The following GRHL1 variants were observed in gnomAD, a reference collection of about 807,000 sequenced individuals.
The protein encoded by GRHL1 is grainyhead-like protein 1 homolog.
GRHL1 carries 38 observed loss-of-function variants against 75.7 expected under a neutral mutation model. The ratio of observed to expected loss-of-function variants is 0.50; its 90% CI spans 0.39 to 0.66. GRHL1 has a LOEUF of 0.66. GRHL1 is among the 30% of genes least tolerant of loss of function. GRHL1 has a pLI of 0.00. For missense variants in GRHL1, 589 were observed against 767.5 expected, an observed-to-expected ratio of 0.77 and a Z score of 2.75; for synonymous variants, 266 against 279.4, an observed-to-expected ratio of 0.95 and a Z score of 0.48.
chr2:9,984,005 T>A (rs1456840641), intron 8 of GRHL1, among the ~76,000 whole-genome samples: 1 of 151,894 alleles, frequency 6.6e-6, no homozygotes. Flanking sequence ...AAATACAAAA[T>A]TAGCCAGGTG....
intron 15 of GRHL1, among the ~76,000 whole-genome samples, chr2:9,999,460 T>G (rs775607203): frequency 6.6e-6 from 1 of 152,212 alleles, no homozygotes; most frequent in Admixed American, 6.5e-5. Flanking sequence ...AGCCGGGCAC[T>G]GGGTTGGGCA....
Position 9,961,125 on chromosome 2 carries a change from T to C in GRHL1, c.358T>C (p.Phe120Leu). ...AGTGCAAGTACTGAAAAATGTGCCA[T>C]TTAACATTGTCCTTCCCCATGGCAA... The part of the protein sequence containing the change: ...NRVQVLKNVP[F>L]NIVLPHGNQL... The change falls in exon 4 of 16, where the codon TTT becomes CTT. Residue 120 changes from phenylalanine to leucine, a missense_variant. Physicochemically the swap from Phe to Leu is conservative, Grantham distance 22 (BLOSUM62 0). Around this residue, in one of 5 missense-constraint regions of GRHL1, gnomAD observed 362 missense variants for 461.8 expected, o/e 0.78. Transcript: ENST00000324907. 6.2e-7 allele frequency: 1 copy of C among 1,600,642 alleles called. No homozygotes were observed. Among genetic ancestry groups the C allele is most frequent in the Non-Finnish European group, 8.5e-7 (1 of 1,173,076 alleles).
chr2:9,997,913 GC>G, intron 14 of GRHL1, among the ~76,000 whole-genome samples: 1 of 152,208 alleles, frequency 6.6e-6, no homozygotes, highest in South Asian at 2.1e-4. Context: ...GAATTACTGG[GC>G]CAGCATAACT....
Position 9,990,785 on chromosome 2 carries a change from TA to T in GRHL1, c.1321+40del. On this transcript the variant is annotated intron_variant, in intron 10 of 15. Transcript: ENST00000324907. This position sits in a 1 kb window ranked among gnomAD's most constrained non-coding sequence, Gnocchi z 4.2. ...ACCCCAGCTCCCAGGTGAATGCCTG[TA>T]AGTAGAAATGTTCCCGGCAAGCTTC... The T allele has an allele frequency of 6.5e-7, 1 of 1,546,162 alleles. No individual in the cohort carries two copies. Among genetic ancestry groups the T allele is most frequent in the Non-Finnish European group, 8.9e-7 (1 of 1,126,702 alleles).
At chr2:9,995,014 C>T (rs1203410017) in intron 12 of GRHL1, among the ~76,000 whole-genome samples, 1 of 152,164 alleles carries the variant, frequency 6.6e-6, no homozygotes, top group African/African-American at 2.4e-5. Context: ...TGGGTACCAA[C>T]ACACTTTGGG....
chr2:9,998,613 TATATATGTAC>T (rs1669042768), intron 14 of GRHL1, among the ~76,000 whole-genome samples: 2 of 62,662 alleles, frequency 3.2e-5, no homozygotes, highest in Non-Finnish European at 5.4e-5. Flanking sequence ...TATATATACA[TATATATGTAC>T]ACATATACAT....
intron 3 of GRHL1, chr2:9,959,068 G>T (rs1486304375): frequency 2.0e-6 from 1 of 490,162 alleles, no homozygotes; most frequent in Non-Finnish European, 3.4e-6. Context: ...CCTTTTCTAG[G>T]ATGAAAGCAC....
intron 6 of GRHL1, 63 bp from the exon 7 acceptor site, chr2:9,964,172 T>C: frequency 7.6e-7 from 1 of 1,324,032 alleles, no homozygotes. Context: ...TAGTACTAAA[T>C]ACGTTTTCCA....
At chr2:9,969,226 G>A (rs765468676) in intron 8 of GRHL1, among the ~76,000 whole-genome samples, 3 of 152,368 alleles carry the variant, frequency 2.0e-5, no homozygotes, top group Non-Finnish European at 2.9e-5. Flanking sequence ...GGAAAAAGAA[G>A]TTAGGGAGAG....
At chr2:9,998,560 G>A (rs1463778149) in intron 14 of GRHL1, among the ~76,000 whole-genome samples, 3 of 27,812 alleles carry the variant, frequency 1.1e-4, no homozygotes, top group South Asian at 2.8e-3. Flanking sequence ...ATATATGTGT[G>A]TACATGTATA....
At chr2:9,981,302 C>T (rs1174601056) in intron 8 of GRHL1, among the ~76,000 whole-genome samples, 4 of 152,196 alleles carry the variant, frequency 2.6e-5, no homozygotes, top group Admixed American at 6.5e-5. Context: ...TTTCCACAGG[C>T]GAGTGACACA....
intron 3 of GRHL1, chr2:9,960,769 A>C: frequency 2.9e-6 from 1 of 339,522 alleles, no homozygotes; most frequent in Non-Finnish European, 5.4e-6. Flanking sequence ...AAAACACAGT[A>C]ATTGTTTTTA....
chr2:9,956,922 T>G (rs1667052648), intron 2 of GRHL1, among the ~76,000 whole-genome samples: 2 of 152,160 alleles, frequency 1.3e-5, no homozygotes, highest in Admixed American at 6.5e-5. Flanking sequence ...TGTCTGTCCA[T>G]GAAGGGTGAC....
rs933710665 is a variant in GRHL1 at position 9,999,914 on chromosome 2, T to G, written c.1743-679T>G. The stretch of plus-strand genomic sequence containing the variant: ...TAGTAGTTCATTTAAACTTTGAGGC[T>G]CACTTGCTGGAGTGTGTAATTTGTC... On this transcript the variant is annotated intron_variant, in intron 15 of 15. Transcript: ENST00000324907. 4.6e-5 allele frequency among the ~76,000 whole-genome samples: 7 copies of G among 152,380 alleles called. No homozygotes were observed. The South Asian group carries it at 1.2e-3, about 27-fold the overall frequency.
chr2:9,995,838 G>A, intron 12 of GRHL1, 41 bp from the exon 13 acceptor site: 1 of 1,135,316 alleles, frequency 8.8e-7, no homozygotes. Context: ...GATGCAGCTG[G>A]TTAAGTTGAA....
In GRHL1 at chr2:9,951,976, G is replaced by A. The variant is rs1168199637; in HGVS notation, c.20+123G>A. ...CGGGCGGGCGCGGGGCGCGAGCCGG[G>A]GGCCGCTGTCCACTCCACGCCGCCA... is the stretch of plus-strand genomic sequence containing the variant. On this transcript the variant is annotated intron_variant, in intron 1 of 15. Coordinates refer to ENST00000324907, the MANE Select transcript of GRHL1 (RefSeq NM_198182.3). The surrounding 1 kb of genome is among the most constrained non-coding windows in gnomAD (Gnocchi z 4.2). The A allele has an allele frequency of 1.1e-4, 47 of 413,384 alleles. No individual in the cohort carries two copies. The Admixed American group carries it at 2.0e-3, about 18-fold the overall frequency. 25.6% of individuals were successfully genotyped at this position (413,384 alleles called of 1,614,324 possible). A position where few individuals can be genotyped will look rare whatever the true frequency, so the allele number is the denominator to read the frequency against.
At chr2:9,979,762 T>G (rs1049144034) in intron 8 of GRHL1, among the ~76,000 whole-genome samples, 2 of 152,242 alleles carry the variant, frequency 1.3e-5, no homozygotes, top group Non-Finnish European at 2.9e-5. Context: ...AACAGCCTTT[T>G]TGCTAGTTCA....
chr2:9,998,749 TATATACGTATATATATGTACACAC>T (rs1669086399), intron 14 of GRHL1, among the ~76,000 whole-genome samples, 192 bp from the exon 15 acceptor site: 1 of 30,350 alleles, frequency 3.3e-5, no homozygotes, highest in Non-Finnish European at 5.0e-5. Flanking sequence ...TGTACACACA[TATATACGTATATATATGTACACAC>T]ATATATACGT....
At chr2:9,965,510 C>T in intron 8 of GRHL1, 129 bp downstream of exon 8, 1 of 607,958 alleles carries the variant, frequency 1.6e-6, no homozygotes, top group South Asian at 2.0e-5. Flanking sequence ...ATGAAACTAT[C>T]CTCTTCCCTT....
Sources: allele counts gnomAD v4.1 joint callset (sites outside exome capture counted in the v4.1 genomes callset), GRCh38; gene constraint gnomAD v4.1.1; regional missense constraint gnomAD v4.1.1; non-coding constraint Gnocchi (gnomAD v3.1); transcripts MANE v1.5; gene names NCBI Gene and HGNC (gene_info 2026-07-23, HGNC 2026-07-21).